HMOX1: variants seen among roughly 807,000 people sequenced by gnomAD.
The protein encoded by HMOX1 is heat shock protein, 32-kD.
Under a neutral mutation model 27.8 loss-of-function variants are expected in HMOX1, and 22 were observed. The observed-to-expected ratio is 0.79, with a 90% CI of 0.57 to 1.13. The LOEUF (loss-of-function observed/expected upper bound fraction) is 1.13. HMOX1 is among the 50% of genes most tolerant of loss of function. HMOX1 has a pLI of 0.00. For synonymous variants in HMOX1, 153 were observed against 151.6 expected (o/e 1.01, Z -0.07); for missense variants, 379 against 377.7 (o/e 1.00, Z -0.03).
rs1232057826 is a variant in HMOX1, at chr22:35,389,341, CTCCTTCCTTCCT to C, written c.637-477_637-466del. On this transcript the variant is annotated intron_variant, in intron 3 of 4. Coordinates refer to ENST00000216117, the MANE Select transcript of HMOX1 (RefSeq NM_002133.3). ...TTTCTTCTTTCTTTCTTTCTTTCTT[CTCCTTCCTTCCT>C]TCCTTCCTTCCTTCCTTCCTTCCTT... Among the ~76,000 whole-genome samples, 400 of 62,544 alleles carry C rather than the reference CTCCTTCCTTCCT, an allele frequency of 6.4e-3. 8 individuals are homozygous for C. Among genetic ancestry groups the C allele is most frequent in the East Asian group, 0.043 (96 of 2,210 alleles). The allele number at this position is 62,544 out of a possible 152,430, so 41.0% of individuals were successfully genotyped here. A position where few individuals can be genotyped will look rare whatever the true frequency, so the allele number is the denominator to read the frequency against.
intron 1 of HMOX1, 117 bp from the exon 2 acceptor site, chr22:35,382,989 T>C (rs1234969586): frequency 1.4e-6 from 2 of 1,395,288 alleles, no homozygotes; most frequent in Admixed American, 1.7e-5. Context: ...ATTGAGAACG[T>C]GGCCTGAATG....
At position 35,388,472 on chromosome 22, in the gene HMOX1, CA is replaced by C. The variant is rs375288227; in HGVS notation, c.636+1301del. On this transcript the variant is annotated intron_variant, in intron 3 of 4. Transcript: ENST00000216117. ...GACTCTGTCTCAAAAACCAAAAAAA[CA>C]AAAACAAAAACAAAAAAAAACGGCT... Among the ~76,000 whole-genome samples, 70 of 140,240 alleles carry C rather than the reference CA, an allele frequency of 5.0e-4. 2 individuals carry two copies. The highest frequency in any genetic ancestry group is 1.9e-3 in the African/African-American group (68 of 35,244). 92.0% of individuals were successfully genotyped at this position (140,240 alleles called of 152,430 possible).
In HMOX1 at chr22:35,383,140, G is replaced by A. The variant is rs765713465; in HGVS notation, c.58G>A (p.Ala20Thr). 16 of 1,613,678 alleles carry A rather than the reference G, an allele frequency of 9.9e-6. No homozygotes were observed. Among genetic ancestry groups the A allele is most frequent in the Non-Finnish European group, 1.3e-5 (15 of 1,179,796 alleles). ...PQDLSEALKE[A>T]TKEVHTQAEN... The stretch of plus-strand genomic sequence containing the variant: ...GGATTTGTCAGAGGCCCTGAAGGAG[G>A]CCACCAAGGAGGTGCACACCCAGGC... The change falls in exon 2 of 5, where the codon GCC becomes ACC. Residue 20 changes from alanine (A) to threonine (T), a missense_variant. Coordinates refer to ENST00000216117, the MANE Select transcript of HMOX1 (RefSeq NM_002133.3).
intron 4 of HMOX1, among the ~76,000 whole-genome samples, chr22:35,391,218 G>A (rs1931710246): frequency 6.6e-6 from 1 of 152,166 alleles, no homozygotes; most frequent in Non-Finnish European, 1.5e-5. Context: ...GCTGTGGGAG[G>A]TGGTAATCCT....
intron 3 of HMOX1, among the ~76,000 whole-genome samples, chr22:35,388,775 A>T (rs1601742602): frequency 6.6e-6 from 1 of 151,118 alleles, no homozygotes; most frequent in East Asian, 2.0e-4. Context: ...CCAGCCTGGG[A>T]GACAGAGTGA....
intron 1 of HMOX1, among the ~76,000 whole-genome samples, chr22:35,381,793 G>A (rs537588512): frequency 6.6e-6 from 1 of 151,848 alleles, no homozygotes; most frequent in East Asian, 1.9e-4. Context: ...TAACTCCTGG[G>A]CTTAAGCATC....
intron 4 of HMOX1, among the ~76,000 whole-genome samples, chr22:35,392,364 G>T (rs1020243235): frequency 2.0e-5 from 3 of 152,106 alleles, no homozygotes; most frequent in Non-Finnish European, 4.4e-5. Flanking sequence ...AGGAGTTTTG[G>T]AACCAAAACA....
intron 4 of HMOX1, among the ~76,000 whole-genome samples, chr22:35,393,033 C>A (rs920431197): frequency 3.9e-5 from 6 of 152,034 alleles, no homozygotes; most frequent in Non-Finnish European, 7.4e-5. Context: ...ATTTTAATAA[C>A]CAGGGATGGG....
Position 35,389,323 on chromosome 22 carries a change from T to TC in HMOX1, c.637-541_637-540insC, listed in dbSNP as rs1931618813. On this transcript the variant is annotated intron_variant, in intron 3 of 4. Coordinates refer to ENST00000216117, the MANE Select transcript of HMOX1 (RefSeq NM_002133.3). ...TCTTTCTTTCTTTCTTTCTTTCTTC[T>TC]TTCTTTCTTTCTTTCTTCTCCTTCC... 1.8e-5 allele frequency among the ~76,000 whole-genome samples: 2 copies of TC among 108,634 alleles called. 1 individual carries two copies. The highest frequency in any genetic ancestry group is 3.5e-5 in the Non-Finnish European group (2 of 57,320). 71.3% of individuals were successfully genotyped at this position (108,634 alleles called of 152,430 possible).
chr22:35,384,915 T>G lies in HMOX1; in HGVS notation c.144+1689T>G, dbSNP rs909499363. ...GTCACACAGTTAAGGACTGGCAGAG[T>G]TGGGTAAGAACCAGGTCCGTCACAC... On this transcript the variant is annotated intron_variant, in intron 2 of 4. Transcript: ENST00000216117. Among the ~76,000 whole-genome samples the G allele has an allele frequency of 3.3e-5, 5 of 150,862 alleles. No individual in the cohort carries two copies. The South Asian group carries it at 1.1e-3, about 32-fold the overall frequency.
At position 35,389,274 on chromosome 22, in the gene HMOX1, CCTCTCTCT is replaced by C. The variant is rs70944257; in HGVS notation, c.637-581_637-574del. On this transcript the variant is annotated intron_variant, in intron 3 of 4. Coordinates refer to ENST00000216117, the MANE Select transcript of HMOX1 (RefSeq NM_002133.3). ...TTTCTCTCTCTCTCTCTCTCTCTCT[CCTCTCTCT>C]CTCTCTCTTCTTTCTTCTTTCTTTC... 3.1e-5 allele frequency among the ~76,000 whole-genome samples: 3 copies of C among 96,084 alleles called. 1 individual carries two copies. Among genetic ancestry groups the C allele is most frequent in the Non-Finnish European group, 5.4e-5 (3 of 55,134 alleles). 63.0% of individuals were successfully genotyped at this position (96,084 alleles called of 152,430 possible).
At position 35,393,925 on chromosome 22, in the gene HMOX1, A is replaced by G. The variant is rs1931793978; in HGVS notation, c.*327A>G. 2 of 376,656 alleles carry G rather than the reference A, an allele frequency of 5.3e-6. No individual in the cohort carries two copies. The highest frequency in any genetic ancestry group is 4.4e-5 in the South Asian group (2 of 45,470). 23.3% of individuals were successfully genotyped at this position (376,656 alleles called of 1,614,324 possible). On this transcript the variant is annotated 3_prime_UTR_variant, in exon 5 of 5. Transcript: ENST00000216117. Reference sequence around the variant, plus strand: ...AAACCTCCAAAAGCCCTGAGTTTCAAGTATCCTTGTTGACACGGCCATGAC... The same window carrying G: ...AAACCTCCAAAAGCCCTGAGTTTCAGGTATCCTTGTTGACACGGCCATGAC...
Position 35,389,381 on chromosome 22 carries a change from TTC to T in HMOX1, c.637-482_637-481del, listed in dbSNP as rs1233317412. The stretch of plus-strand genomic sequence containing the variant: ...CTTCCTTCCTTCCTTCCTTCCTTCC[TTC>T]CTTCCTTCCTTCCTTTCTTTCTTTC... On this transcript the variant is annotated intron_variant, in intron 3 of 4. Transcript: ENST00000216117. Among the ~76,000 whole-genome samples, 28 of 71,900 alleles carry T rather than the reference TTC, an allele frequency of 3.9e-4. 3 individuals are homozygous for T. Among genetic ancestry groups the T allele is most frequent in the African/African-American group, 2.8e-3 (26 of 9,252 alleles). The allele number at this position is 71,900 out of a possible 152,430, so 47.2% of individuals were successfully genotyped here. A position where few individuals can be genotyped will look rare whatever the true frequency, so the allele number is the denominator to read the frequency against.
At chr22:35,385,392 TTTCCTTTTCTGTAAAATGGG>T (rs1287125186) in intron 2 of HMOX1, among the ~76,000 whole-genome samples, 1 of 152,086 alleles carries the variant, frequency 6.6e-6, no homozygotes, top group Non-Finnish European at 1.5e-5. Flanking sequence ...TGAGCCTTAG[TTTCCTTTTCTGTAAAATGGG>T]AATAGCAATT....
chr22:35,382,392 C>T (rs1360661388), intron 1 of HMOX1, among the ~76,000 whole-genome samples: 1 of 151,920 alleles, frequency 6.6e-6, no homozygotes, highest in Non-Finnish European at 1.5e-5. Context: ...TGCTCTGTTG[C>T]CCAGGCTGGA....
chr22:35,393,930 C>G lies in HMOX1; in HGVS notation c.*332C>G, dbSNP rs1233400308. 1 of 371,332 alleles carries G rather than the reference C, an allele frequency of 2.7e-6. No homozygotes were observed. The highest frequency in any genetic ancestry group is 6.7e-5 in the East Asian group (1 of 14,972). 23.0% of individuals were successfully genotyped at this position (371,332 alleles called of 1,614,324 possible). A position where few individuals can be genotyped will look rare whatever the true frequency, so the allele number is the denominator to read the frequency against. On this transcript the variant is annotated 3_prime_UTR_variant, in exon 5 of 5. Transcript: ENST00000216117. ...TCCAAAAGCCCTGAGTTTCAAGTAT[C>G]CTTGTTGACACGGCCATGACCACTT...
At chr22:35,389,215 C>T (rs5750103) in intron 3 of HMOX1, among the ~76,000 whole-genome samples, 11,080 of 109,580 alleles carry the variant, frequency 0.1, 975 homozygotes, top group African/African-American at 0.21. Context: ...CTTTCTTTCT[C>T]TCTTTCTTTC....
chr22:35,387,223 C>T (rs754293165), intron 3 of HMOX1, 47 bp downstream of exon 3: 20 of 1,610,472 alleles, frequency 1.2e-5, no homozygotes, highest in Non-Finnish European at 1.7e-5. Flanking sequence ...CCCCGTTGTT[C>T]CTCCAAGGGA....
chr22:35,386,944 C>A lies in HMOX1; in HGVS notation c.404C>A (p.Thr135Asn), dbSNP rs765877829. 1.2e-6 allele frequency: 2 copies of A among 1,614,106 alleles called. No individual in the cohort carries two copies. The highest frequency in any genetic ancestry group is 1.7e-6 in the Non-Finnish European group (2 of 1,180,048). Residue 135 changes from threonine (T) to asparagine (N), a missense_variant, in exon 3 of 5, where the codon ACC becomes AAC. Transcript: ENST00000216117. ...GAGCTGCTGGTGGCCCACGCCTACA[C>A]CCGCTACCTGGGTGACCTGTCTGGG... ...EPELLVAHAY[T>N]RYLGDLSGGQ...
Sources: allele counts gnomAD v4.1 joint callset (sites outside exome capture counted in the v4.1 genomes callset), GRCh38; gene constraint gnomAD v4.1.1; transcripts MANE v1.5; gene names NCBI Gene and HGNC (gene_info 2026-07-23, HGNC 2026-07-21).